DDX10: variants seen among roughly 807,000 people sequenced by gnomAD.
The protein encoded by DDX10 is DEAD-box helicase 10.
A neutral mutation model predicts 104.3 loss-of-function variants in DDX10; 74 were observed. The observed-to-expected ratio is 0.71, with a 90% confidence interval of 0.59 to 0.86. DDX10 has a LOEUF of 0.86. DDX10 is among the 40% of genes least tolerant of loss of function. The probability of loss-of-function intolerance (pLI) is 0.00; values close to 1 mark genes in which losing one functional copy is unlikely to be tolerated. For missense variants in DDX10, 952 were observed against 1,040.0 expected, an observed-to-expected ratio of 0.92 and a Z score of 1.16; for synonymous variants, 351 against 353.4, an observed-to-expected ratio of 0.99 and a Z score of 0.08.
chr11:108,723,410 T>C lies in DDX10; in HGVS notation c.1913T>C (p.Val638Ala). 1 of 1,613,880 alleles carries C rather than the reference T, an allele frequency of 6.2e-7. No individual in the cohort carries two copies. Among genetic ancestry groups the C allele is most frequent in the Non-Finnish European group, 8.5e-7 (1 of 1,179,866 alleles). The change falls in exon 13 of 18, where the codon GTG (valine) becomes GCG (alanine). Residue 638 changes from valine (V) to alanine (A), a missense_variant. Physicochemically the swap from Val to Ala is moderately conservative, Grantham distance 64 (BLOSUM62 0). Around this residue, in one of 3 missense-constraint regions of DDX10, gnomAD observed 533 missense variants for 534.1 expected, o/e 1.00. Coordinates refer to ENST00000322536, the MANE Select transcript of DDX10 (RefSeq NM_004398.4). ...EEEEDADFLK[V>A]KRHNVFGLDL... is the part of the protein sequence containing the mutation. ...GAAGAAGATGCTGATTTCTTGAAGG[T>C]GAAGCGGCATAATGTGTTTGGATTG...
intron 13 of DDX10, among the ~76,000 whole-genome samples, chr11:108,735,461 A>T (rs6589030): frequency 6.6e-6 from 1 of 152,070 alleles, no homozygotes; most frequent in Admixed American, 6.5e-5. Flanking sequence ...GGTGGGTGGC[A>T]TGCTGCAATT....
At chr11:108,803,593 A>AG (rs1490865658) in intron 13 of DDX10, among the ~76,000 whole-genome samples, 14 of 116,548 alleles carry the variant, frequency 1.2e-4, no homozygotes, top group South Asian at 3.4e-4. Flanking sequence ...AAAAAAAAAA[A>AG]AAAAAAAAAG....
At chr11:108,896,869 GA>G (rs201260268) in intron 16 of DDX10, among the ~76,000 whole-genome samples, 30 of 149,108 alleles carry the variant, frequency 2.0e-4, no homozygotes, top group Admixed American at 6.0e-4. Flanking sequence ...TGACTGGGGG[GA>G]AAAAAAATCC....
At chr11:108,892,010 A>G (rs1438005949) in intron 16 of DDX10, among the ~76,000 whole-genome samples, 1 of 152,186 alleles carries the variant, frequency 6.6e-6, no homozygotes, top group Non-Finnish European at 1.5e-5. Context: ...AAGCCTGCAC[A>G]TGGATCTGGG....
In DDX10 at chr11:108,925,402, G is replaced by A. The variant is rs543670345; in HGVS notation, c.2450+7384G>A. On this transcript the variant is annotated intron_variant, in intron 17 of 17. Coordinates refer to ENST00000322536, the MANE Select transcript of DDX10 (RefSeq NM_004398.4). ...AGCCTGTCATTTTTCAGAAGCGCCAGGATCTCTAAGAAGGGTGAATAGCTC... is the reference window on the plus strand; with the variant it reads ...AGCCTGTCATTTTTCAGAAGCGCCAAGATCTCTAAGAAGGGTGAATAGCTC... 2.0e-5 allele frequency among the ~76,000 whole-genome samples: 3 copies of A among 152,274 alleles called. No homozygotes were observed. In the South Asian group the frequency reaches 6.2e-4, roughly 32 times the overall value.
chr11:108,810,043 C>T (rs1365422571), intron 13 of DDX10, among the ~76,000 whole-genome samples: 1 of 152,082 alleles, frequency 6.6e-6, no homozygotes, highest in Non-Finnish European at 1.5e-5. Context: ...TTAGGTCATT[C>T]ATAAATGTTT....
intron 13 of DDX10, among the ~76,000 whole-genome samples, chr11:108,780,251 A>T (rs970503945): frequency 6.6e-6 from 1 of 152,196 alleles, no homozygotes; most frequent in African/African-American, 2.4e-5. Context: ...GATGAGTATG[A>T]ATAGAGCACA....
intron 17 of DDX10, among the ~76,000 whole-genome samples, chr11:108,927,664 G>A (rs888860226): frequency 2.0e-5 from 3 of 149,968 alleles, no homozygotes; most frequent in African/African-American, 7.4e-5. Context: ...TTCTGATGGA[G>A]TCTCCCTCTG....
At position 108,729,755 on chromosome 11, in the gene DDX10, G is replaced by A. The variant is rs975988747; in HGVS notation, c.1965+6293G>A. 3 of 152,286 alleles carry A rather than the reference G, an allele frequency of 2.0e-5. 1 individual carries two copies. Among genetic ancestry groups the A allele is most frequent in the Middle Eastern group, 6.8e-3 (2 of 296 alleles). The allele number at this position is 152,286 out of a possible 1,614,324, so 9.4% of individuals were successfully genotyped here. On this transcript the variant is annotated intron_variant, in intron 13 of 17. Transcript: ENST00000322536. ...GAAGTCCAGGGCTACAGCAAGCCACGACACTCCAGCCTGAGCAACAGAGAG... is the reference window on the plus strand; with the variant it reads ...GAAGTCCAGGGCTACAGCAAGCCACAACACTCCAGCCTGAGCAACAGAGAG...
At chr11:108,748,287 C>CGA (rs1450535934) in intron 13 of DDX10, among the ~76,000 whole-genome samples, 1 of 152,108 alleles carries the variant, frequency 6.6e-6, no homozygotes, top group Non-Finnish European at 1.5e-5. Flanking sequence ...GACTTCTGAA[C>CGA]GAGAGAGAGC....
rs563096081 is a variant in DDX10, at chr11:108,683,275, T to C, written c.848+3715T>C. Among the ~76,000 whole-genome samples, 32 of 152,328 alleles carry C rather than the reference T, an allele frequency of 2.1e-4. No homozygotes were observed. The East Asian group carries it at 2.9e-3, about 14-fold the overall frequency. On this transcript the variant is annotated intron_variant, in intron 6 of 17. Transcript: ENST00000322536. ...GCTTGTTTTTCCTCATTTTGACTTA[T>C]GTGTGCTCTGTTTAGGGGTTGGCAT...
chr11:108,930,082 A>G (rs931942399), intron 17 of DDX10, among the ~76,000 whole-genome samples: 2 of 152,204 alleles, frequency 1.3e-5, no homozygotes, highest in Middle Eastern at 3.2e-3. Context: ...TGACAAATGT[A>G]TAATGTCATG....
chr11:108,778,760 C>A (rs938120894), intron 13 of DDX10, among the ~76,000 whole-genome samples: 5 of 152,168 alleles, frequency 3.3e-5, no homozygotes, highest in African/African-American at 9.7e-5. Context: ...AACAGGCAAC[C>A]TACAGAATGG....
At chr11:108,818,430 A>G (rs1216341589) in intron 13 of DDX10, among the ~76,000 whole-genome samples, 1 of 152,178 alleles carries the variant, frequency 6.6e-6, no homozygotes, top group African/African-American at 2.4e-5. Flanking sequence ...AGCATCTTAG[A>G]TTTGGAATTA....
intron 13 of DDX10, among the ~76,000 whole-genome samples, chr11:108,792,373 G>A (rs189965061): frequency 4.6e-5 from 7 of 152,128 alleles, no homozygotes; most frequent in South Asian, 4.2e-4. Flanking sequence ...TTTGTTCTGC[G>A]CGCTTTCTAA....
Position 108,679,599 on chromosome 11 carries a change from A to G in DDX10, c.848+39A>G, listed in dbSNP as rs1440739014. The G allele has an allele frequency of 2.8e-6, 4 of 1,440,280 alleles. No individual in the cohort carries two copies. The Admixed American group carries it at 9.7e-5, about 35-fold the overall frequency. 89.2% of individuals were successfully genotyped at this position (1,440,280 alleles called of 1,614,324 possible). A position where few individuals can be genotyped will look rare whatever the true frequency, so the allele number is the denominator to read the frequency against. Reference sequence around the variant, plus strand: ...GAGTCAATCAAGATAAATGTTTTTTACTTTTTTAGTTTAGGGATTTGGTAT... The same window carrying G: ...GAGTCAATCAAGATAAATGTTTTTTGCTTTTTTAGTTTAGGGATTTGGTAT... On this transcript the variant is annotated intron_variant, in intron 6 of 17. Coordinates refer to ENST00000322536, the MANE Select transcript of DDX10 (RefSeq NM_004398.4).
chr11:108,728,969 T>G (rs2094308640), intron 13 of DDX10, among the ~76,000 whole-genome samples: 1 of 152,228 alleles, frequency 6.6e-6, no homozygotes, highest in Non-Finnish European at 1.5e-5. Flanking sequence ...TAGGTTAATA[T>G]CCTTTTTTTG....
intron 16 of DDX10, among the ~76,000 whole-genome samples, chr11:108,863,693 A>G (rs1305101812): frequency 6.6e-6 from 1 of 152,094 alleles, no homozygotes; most frequent in Non-Finnish European, 1.5e-5. Context: ...CATCCATCCA[A>G]CCCTAAGATT....
intron 13 of DDX10, among the ~76,000 whole-genome samples, chr11:108,784,442 A>G (rs1861759566): frequency 6.6e-6 from 1 of 152,126 alleles, no homozygotes; most frequent in African/African-American, 2.4e-5. Context: ...TTTGTTGCCC[A>G]GTGTGATCTC....
Sources: gnomAD v4.1 joint callset for allele counts (sites outside exome capture counted in the v4.1 genomes callset) on GRCh38, gnomAD v4.1.1 for gene constraint, gnomAD v4.1.1 regional missense constraint, MANE v1.5 for transcripts, NCBI Gene and HGNC (gene_info 2026-07-23, HGNC 2026-07-21) for gene names.